Variants in SHB observed in about 807,000 individuals in gnomAD.
SHB encodes SH2 domain containing adaptor protein B.
Under a neutral mutation model 52.3 loss-of-function variants are expected in SHB, and 20 were observed. That is an observed-to-expected ratio of 0.38 (90% CI 0.27 to 0.56). SHB has a LOEUF of 0.56. Ranked by LOEUF, SHB falls within the 20% of genes least tolerant of loss-of-function variation. The pLI, the probability that SHB is intolerant of heterozygous loss-of-function variation, is 0.71. For synonymous variants in SHB, 397 were observed against 316.5 expected (o/e 1.25, Z -2.70); for missense variants, 825 against 723.3 (o/e 1.14, Z -1.61).
At chr9:37,975,934 G>C (rs1820647813) in intron 2 of SHB, among the ~76,000 whole-genome samples, 1 of 152,224 alleles carries the variant, frequency 6.6e-6, no homozygotes, top group South Asian at 2.1e-4. Flanking sequence ...CCTGGTGGTA[G>C]GACCAGGGCA....
In SHB at chr9:37,919,903, T is replaced by C. The variant is rs1458321912; in HGVS notation, c.1448A>G (p.His483Arg). The stretch of plus-strand genomic sequence containing the variant: ...GGGTAGCTTTCTGGTGGTGTAGTAG[T>C]GGATGACTTCCGGGACACTGTCGAA... ...PPFDSVPEVI[H>R]YYTTRKLPIK... Residue 483 changes from histidine (H) to arginine (R), a missense_variant, in exon 6 of 6, where the codon CAC (histidine) becomes CGC (arginine). His to Arg is a conservative substitution (Grantham distance 29). Transcript: ENST00000377707. 2 of 1,613,946 alleles carry C rather than the reference T, an allele frequency of 1.2e-6. No homozygotes were observed. Among genetic ancestry groups the C allele is most frequent in the Non-Finnish European group, 1.7e-6 (2 of 1,179,940 alleles).
chr9:37,923,668 G>A (rs1464933254), intron 5 of SHB, among the ~76,000 whole-genome samples: 1 of 152,222 alleles, frequency 6.6e-6, no homozygotes, highest in Admixed American at 6.5e-5. Context: ...GGAGACGCGA[G>A]CATGAGCAAA....
chr9:37,947,455 T>C (rs1026441992), intron 5 of SHB, among the ~76,000 whole-genome samples: 1 of 152,242 alleles, frequency 6.6e-6, no homozygotes, highest in African/African-American at 2.4e-5. Flanking sequence ...CAGCTCCCTC[T>C]GCCCTGACAG....
In SHB at chr9:38,005,210, G is replaced by T. The variant is rs1196646167; in HGVS notation, c.838+10801C>A. ...GGAAAAGAGAGGCCCAAAAGTTGAG[G>T]CTTGGGCTTGGGAGACGGCCCCTCT... On this transcript the variant is annotated intron_variant, in intron 2 of 5. Transcript: ENST00000377707. 2.0e-5 allele frequency among the ~76,000 whole-genome samples: 3 copies of T among 152,260 alleles called. No homozygotes were observed. In the East Asian group the frequency reaches 5.8e-4, roughly 29 times the overall value.
At chr9:37,928,760 C>T (rs1832279111) in intron 5 of SHB, among the ~76,000 whole-genome samples, 1 of 152,226 alleles carries the variant, frequency 6.6e-6, no homozygotes, top group African/African-American at 2.4e-5. Flanking sequence ...TCGCCTGGCC[C>T]CTTATGTAAA....
chr9:37,955,144 T>A (rs1458208551), intron 4 of SHB, among the ~76,000 whole-genome samples: 1 of 152,242 alleles, frequency 6.6e-6, no homozygotes, highest in Non-Finnish European at 1.5e-5. Flanking sequence ...CACATAGTTT[T>A]ACACTTAGGG....
chr9:37,995,600 T>C (rs1820937668), intron 2 of SHB, among the ~76,000 whole-genome samples: 1 of 152,132 alleles, frequency 6.6e-6, no homozygotes, highest in Admixed American at 6.5e-5. Context: ...ACACTCTCAT[T>C]CCTCCTCCAC....
intron 3 of SHB, among the ~76,000 whole-genome samples, chr9:37,970,411 C>T (rs562972242): frequency 6.6e-6 from 1 of 152,304 alleles, no homozygotes; most frequent in East Asian, 1.9e-4. Context: ...CTGAGCCTTC[C>T]GCGGTGGCAG....
intron 3 of SHB, among the ~76,000 whole-genome samples, chr9:37,972,303 G>A (rs1820599217): frequency 6.6e-6 from 1 of 152,214 alleles, no homozygotes; most frequent in Non-Finnish European, 1.5e-5. Context: ...CACAGCCCCT[G>A]ATCAGCCATG....
chr9:37,973,179 T>C (rs1316381674), intron 3 of SHB, among the ~76,000 whole-genome samples: 5 of 152,222 alleles, frequency 3.3e-5, no homozygotes, highest in African/African-American at 1.2e-4. Flanking sequence ...TGCTGGACAT[T>C]CGGGTTGCTC....
intron 2 of SHB, among the ~76,000 whole-genome samples, chr9:37,983,184 G>C (rs1820759677): frequency 6.6e-6 from 1 of 152,218 alleles, no homozygotes; most frequent in African/African-American, 2.4e-5. Flanking sequence ...ACCACAATCT[G>C]ATAACTAAGA....
intron 1 of SHB, among the ~76,000 whole-genome samples, chr9:38,043,306 G>A (rs745771814): frequency 2.6e-5 from 4 of 152,158 alleles, no homozygotes; most frequent in Non-Finnish European, 5.9e-5. Context: ...ATATTACCTA[G>A]TAGACACATA....
At chr9:38,039,401 G>T (rs911401174) in intron 1 of SHB, among the ~76,000 whole-genome samples, 5 of 152,272 alleles carry the variant, frequency 3.3e-5, no homozygotes, top group Non-Finnish European at 7.3e-5. Flanking sequence ...TCATTAGCCT[G>T]TATGTGCTGC....
rs115782581 is a variant in SHB at position 38,000,377 on chromosome 9, C to T, written c.838+15634G>A. 4.1e-3 allele frequency among the ~76,000 whole-genome samples: 620 copies of T among 152,356 alleles called. 2 individuals are homozygous for T. Among genetic ancestry groups the T allele is most frequent in the African/African-American group, 0.014 (596 of 41,582 alleles). On this transcript the variant is annotated intron_variant, in intron 2 of 5. Coordinates refer to ENST00000377707, the MANE Select transcript of SHB (RefSeq NM_003028.3). ...CTCTACAGGATGGGGCCTAGGAATC[C>T]GCATTTTCACCACTGCCCACGACCT...
At chr9:38,024,542 T>TCA (rs145930113) in intron 1 of SHB, among the ~76,000 whole-genome samples, 45 of 151,496 alleles carry the variant, frequency 3.0e-4, no homozygotes, top group African/African-American at 8.9e-4. Context: ...TCTCTCTCCG[T>TCA]CACACACACA....
At chr9:37,971,133 TG>T (rs1049942964) in intron 3 of SHB, among the ~76,000 whole-genome samples, 6 of 152,246 alleles carry the variant, frequency 3.9e-5, no homozygotes, top group Admixed American at 3.9e-4. Flanking sequence ...ATGCTAAGGA[TG>T]GGGCCCAGCC....
Position 37,956,917 on chromosome 9 carries a change from T to C in SHB, c.1055-863A>G, listed in dbSNP as rs746013165. On this transcript the variant is annotated intron_variant, in intron 3 of 5. Coordinates refer to ENST00000377707, the MANE Select transcript of SHB (RefSeq NM_003028.3). Reference sequence around the variant, plus strand: ...GCACTGTGCCTGTACCTGTGGAAGGTAGTCTGTGCTGTTATTATAAATCAC... The same window carrying C: ...GCACTGTGCCTGTACCTGTGGAAGGCAGTCTGTGCTGTTATTATAAATCAC... Among the ~76,000 whole-genome samples the C allele has an allele frequency of 3.3e-5, 5 of 152,312 alleles. No individual in the cohort carries two copies. In the East Asian group the frequency reaches 7.7e-4, roughly 24 times the overall value.
intron 2 of SHB, among the ~76,000 whole-genome samples, chr9:37,983,364 G>A (rs1231182351): frequency 1.3e-5 from 2 of 152,216 alleles, no homozygotes; most frequent in Non-Finnish European, 2.9e-5. Flanking sequence ...GCTGGGGACT[G>A]ACAGGTACCT....
At chr9:38,006,952 GC>G (rs1821082723) in intron 2 of SHB, among the ~76,000 whole-genome samples, 1 of 152,194 alleles carries the variant, frequency 6.6e-6, no homozygotes, top group Non-Finnish European at 1.5e-5. Flanking sequence ...CTTTGAGAAA[GC>G]CCCTGAATTC....
Sources: allele counts gnomAD v4.1 joint callset (sites outside exome capture counted in the v4.1 genomes callset), GRCh38; gene constraint gnomAD v4.1.1; transcripts MANE v1.5; gene names NCBI Gene and HGNC (gene_info 2026-07-23, HGNC 2026-07-21).